HS3ST4: variants seen among roughly 807,000 people sequenced by gnomAD.
HS3ST4 encodes the protein heparan sulfate glucosamine 3-O-sulfotransferase 4.
HS3ST4 carries 17 observed loss-of-function variants against 29.2 expected under a neutral mutation model. That is an observed-to-expected ratio of 0.58 (90% CI 0.40 to 0.87). The LOEUF is 0.87. Ranked by LOEUF, HS3ST4 falls within the 40% of genes least tolerant of loss-of-function variation. The probability of loss-of-function intolerance (pLI) is 0.00; values close to 1 mark genes in which losing one functional copy is unlikely to be tolerated. For synonymous variants in HS3ST4, 314 were observed against 285.7 expected, an observed-to-expected ratio of 1.10 and a Z score of -1.00; for missense variants, 627 against 634.5, an observed-to-expected ratio of 0.99 and a Z score of 0.13.
At chr16:26,069,337 T>C (rs1195903360) in intron 1 of HS3ST4, among the ~76,000 whole-genome samples, 1 of 152,184 alleles carries the variant, frequency 6.6e-6, no homozygotes, top group East Asian at 1.9e-4. Context: ...GCTGGCTATG[T>C]GCCTTGCTTT....
intron 1 of HS3ST4, among the ~76,000 whole-genome samples, chr16:25,908,543 A>T (rs548476154): frequency 6.6e-6 from 1 of 152,288 alleles, no homozygotes; most frequent in South Asian, 2.1e-4. Context: ...GTGAGGTCGA[A>T]TACTCTTTAC....
At chr16:25,810,146 C>T (rs1035060523) in intron 1 of HS3ST4, among the ~76,000 whole-genome samples, 8 of 143,228 alleles carry the variant, frequency 5.6e-5, no homozygotes, top group African/African-American at 1.7e-4. Flanking sequence ...CAGCATCTAA[C>T]ATATGTAGTT....
intron 1 of HS3ST4, among the ~76,000 whole-genome samples, chr16:25,930,211 A>G (rs1024631594): frequency 2.0e-5 from 3 of 152,172 alleles, no homozygotes; most frequent in African/African-American, 7.2e-5. Context: ...TATGAAGAAC[A>G]TGCTTCTGGT....
At chr16:26,113,439 C>G (rs1457773095) in intron 1 of HS3ST4, among the ~76,000 whole-genome samples, 3 of 86,068 alleles carry the variant, frequency 3.5e-5, no homozygotes, top group Non-Finnish European at 7.4e-5. Flanking sequence ...GAGTGAGACT[C>G]TGTCTCAAAA....
intron 1 of HS3ST4, among the ~76,000 whole-genome samples, chr16:25,830,924 C>T (rs1271895846): frequency 1.3e-5 from 2 of 152,146 alleles, no homozygotes; most frequent in African/African-American, 4.8e-5. Flanking sequence ...CCAGTGGCTT[C>T]CCACACTTCT....
intron 1 of HS3ST4, among the ~76,000 whole-genome samples, chr16:25,841,149 G>A (rs1479751743): frequency 6.6e-6 from 1 of 151,930 alleles, no homozygotes; most frequent in Non-Finnish European, 1.5e-5. Context: ...GGGACTACAG[G>A]TGCCCGCCAC....
intron 1 of HS3ST4, among the ~76,000 whole-genome samples, chr16:25,824,550 G>A (rs1035847169): frequency 4.6e-5 from 7 of 152,118 alleles, no homozygotes; most frequent in African/African-American, 1.2e-4. Flanking sequence ...CTTATGTGAC[G>A]TATTCACTAT....
intron 1 of HS3ST4, among the ~76,000 whole-genome samples, chr16:26,064,610 CTTTTT>C (rs869047078): frequency 1.1e-5 from 1 of 88,962 alleles, no homozygotes; most frequent in Admixed American, 1.3e-4. Context: ...GGATTGTAGT[CTTTTT>C]TTTTTTTTTT....
At chr16:26,045,775 C>T (rs1206057301) in intron 1 of HS3ST4, among the ~76,000 whole-genome samples, 1 of 152,214 alleles carries the variant, frequency 6.6e-6, no homozygotes, top group Non-Finnish European at 1.5e-5. Flanking sequence ...ACTTTTATAA[C>T]ATCCCAAGTT....
intron 1 of HS3ST4, among the ~76,000 whole-genome samples, chr16:25,857,741 A>C (rs1324887915): frequency 2.0e-5 from 3 of 152,160 alleles, no homozygotes; most frequent in Non-Finnish European, 2.9e-5. Context: ...TTATGAATAC[A>C]TATAACACAC....
In HS3ST4 at chr16:26,110,479, T is replaced by C. The variant is rs1441410333; in HGVS notation, c.735-25133T>C. Among the ~76,000 whole-genome samples the C allele has an allele frequency of 2.0e-5, 3 of 152,196 alleles. No homozygotes were observed. In the East Asian group the frequency reaches 5.8e-4, roughly 29 times the overall value. On this transcript the variant is annotated intron_variant, in intron 1 of 1. Transcript: ENST00000331351. ...TGTCTTCCTTCAAGCTAGTAAATATTTTATTCTTCCAGTTTCTCAGGCCTG... is the reference window on the plus strand; with the variant it reads ...TGTCTTCCTTCAAGCTAGTAAATATCTTATTCTTCCAGTTTCTCAGGCCTG...
intron 1 of HS3ST4, among the ~76,000 whole-genome samples, chr16:25,741,772 A>G (rs1966655102): frequency 6.6e-6 from 1 of 152,124 alleles, no homozygotes; most frequent in Non-Finnish European, 1.5e-5. Flanking sequence ...TCTCTCTGAC[A>G]CTATTATCAC....
chr16:25,920,610 T>TC (rs1400503081), intron 1 of HS3ST4, among the ~76,000 whole-genome samples: 1 of 140,928 alleles, frequency 7.1e-6, no homozygotes, highest in Non-Finnish European at 1.5e-5. Flanking sequence ...CCACCCCTCT[T>TC]TTTTTTTTTT....
At chr16:25,722,965 A>T (rs1377514484) in intron 1 of HS3ST4, among the ~76,000 whole-genome samples, 2 of 152,246 alleles carry the variant, frequency 1.3e-5, no homozygotes, top group Non-Finnish European at 2.9e-5. Flanking sequence ...CCTCACAATC[A>T]TGGTGGAAGG....
chr16:26,127,465 T>C (rs1403351434), intron 1 of HS3ST4, among the ~76,000 whole-genome samples: 1 of 152,198 alleles, frequency 6.6e-6, no homozygotes, highest in Non-Finnish European at 1.5e-5. Context: ...ACAAAATTCA[T>C]GTCTGTTGTT....
chr16:25,942,403 C>T (rs1968580921), intron 1 of HS3ST4, among the ~76,000 whole-genome samples: 1 of 152,124 alleles, frequency 6.6e-6, no homozygotes, highest in South Asian at 2.1e-4. Context: ...ATTTCCTCCT[C>T]TTTGACAGCC....
intron 1 of HS3ST4, among the ~76,000 whole-genome samples, chr16:25,698,970 T>C (rs1275615657): frequency 2.6e-5 from 4 of 152,224 alleles, no homozygotes; most frequent in Admixed American, 2.0e-4. Context: ...AAGTGTGGCA[T>C]TGGGGTTATG....
chr16:26,046,145 A>ATTTTT (rs146624042), intron 1 of HS3ST4, among the ~76,000 whole-genome samples: 3 of 114,638 alleles, frequency 2.6e-5, no homozygotes, highest in East Asian at 2.4e-4. Flanking sequence ...AGGACAGGAA[A>ATTTTT]TTTTTTTTTT....
At chr16:26,104,610 A>G (rs1398191443) in intron 1 of HS3ST4, among the ~76,000 whole-genome samples, 2 of 152,142 alleles carry the variant, frequency 1.3e-5, no homozygotes, top group African/African-American at 4.8e-5. Flanking sequence ...CGTGGCTTCA[A>G]AGACCTTTAT....
Sources: gnomAD v4.1 joint callset for allele counts (sites outside exome capture counted in the v4.1 genomes callset) on GRCh38, gnomAD v4.1.1 for gene constraint, MANE v1.5 for transcripts, NCBI Gene and HGNC (gene_info 2026-07-23, HGNC 2026-07-21) for gene names.